LRP1B: variants seen among roughly 807,000 people sequenced by gnomAD.
LRP1B encodes low-density lipoprotein receptor-related protein 1B.
In LRP1B, 217 loss-of-function variants were observed where a neutral mutation model predicts 556.6. The observed-to-expected ratio is 0.39, with a 90% CI of 0.35 to 0.44. LRP1B has a LOEUF of 0.44. Among genes scored for constraint, LRP1B ranks in the 20% least tolerant of loss-of-function variants. The probability of loss-of-function intolerance (pLI) is 1.00; values close to 1 mark genes in which losing one functional copy is unlikely to be tolerated. For missense variants in LRP1B, 5,053 were observed against 5,620.8 expected (o/e 0.90, Z 3.23); for synonymous variants, 2,047 against 1,865.8 (o/e 1.10, Z -2.50).
intron 2 of LRP1B, among the ~76,000 whole-genome samples, chr2:141,779,503 T>G (rs1162186389): frequency 3.4e-5 from 5 of 148,890 alleles, no homozygotes; most frequent in African/African-American, 7.4e-5. Flanking sequence ...CACTGCAACC[T>G]CTGCCCAGGT....
At chr2:140,402,038 A>C (rs1684525724) in intron 66 of LRP1B, among the ~76,000 whole-genome samples, 1 of 152,156 alleles carries the variant, frequency 6.6e-6, no homozygotes, top group African/African-American at 2.4e-5. Context: ...AGGTCACATC[A>C]CTGGATCCCC....
At chr2:140,250,402 C>T (rs1426254977) in intron 86 of LRP1B, among the ~76,000 whole-genome samples, 2 of 151,770 alleles carry the variant, frequency 1.3e-5, no homozygotes, top group Non-Finnish European at 2.9e-5. Flanking sequence ...TACTTATTGA[C>T]TATTCAAATA....
At chr2:141,555,180 C>A (rs556826931) in intron 2 of LRP1B, among the ~76,000 whole-genome samples, 1 of 151,820 alleles carries the variant, frequency 6.6e-6, no homozygotes, top group African/African-American at 2.4e-5. Flanking sequence ...TATATGTAAA[C>A]AAATAAACAA....
chr2:141,575,693 A>G (rs1686713846), intron 2 of LRP1B, among the ~76,000 whole-genome samples: 1 of 152,058 alleles, frequency 6.6e-6, no homozygotes, highest in African/African-American at 2.4e-5. Context: ...AACTTTTGCA[A>G]TCTACTGATC....
intron 35 of LRP1B, among the ~76,000 whole-genome samples, chr2:140,749,264 T>G (rs1688487111): frequency 6.6e-6 from 1 of 152,134 alleles, no homozygotes; most frequent in East Asian, 1.9e-4. Context: ...ACTACAGACT[T>G]TATGAACCCT....
chr2:141,232,937 A>G (rs543442867), intron 5 of LRP1B, among the ~76,000 whole-genome samples: 3 of 152,330 alleles, frequency 2.0e-5, no homozygotes, highest in African/African-American at 7.2e-5. Context: ...GTGTATTTCA[A>G]GTTGAAACTG....
intron 7 of LRP1B, among the ~76,000 whole-genome samples, chr2:141,180,412 A>G (rs979767229): frequency 1.3e-5 from 2 of 151,850 alleles, no homozygotes; most frequent in Non-Finnish European, 2.9e-5. Flanking sequence ...CTTTTATGCT[A>G]TTTGCACAAA....
intron 66 of LRP1B, among the ~76,000 whole-genome samples, chr2:140,419,853 C>G (rs1040404290): frequency 6.6e-6 from 1 of 151,680 alleles, no homozygotes; most frequent in African/African-American, 2.4e-5. Context: ...AATAAAATTA[C>G]AAAAATTAGT....
At chr2:140,976,505 T>C (rs1696605384) in intron 18 of LRP1B, among the ~76,000 whole-genome samples, 1 of 93,574 alleles carries the variant, frequency 1.1e-5, no homozygotes, top group Non-Finnish European at 2.2e-5. Flanking sequence ...TTTTTTTCCT[T>C]TTTTTTTTTT....
rs3033314 is a variant in LRP1B at position 140,264,702 on chromosome 2, A to ATGTGTG, written c.13247+5534_13247+5539dup. On this transcript the variant is annotated intron_variant, in intron 86 of 90. Transcript: ENST00000389484. ...TGACAAAAAAAAAAATTGTCTATAT[A>ATGTGTG]TGTGTGTGTGTGTGTGTGTGTGTGT... Among the ~76,000 whole-genome samples the ATGTGTG allele has an allele frequency of 3.9e-3, 580 of 148,942 alleles. 8 individuals are homozygous for ATGTGTG. Among genetic ancestry groups the ATGTGTG allele is most frequent in the East Asian group, 0.027 (135 of 4,962 alleles).
chr2:141,528,181 C>A (rs543607857), intron 2 of LRP1B, among the ~76,000 whole-genome samples: 8 of 151,572 alleles, frequency 5.3e-5, no homozygotes, highest in African/African-American at 1.9e-4. Context: ...CAAGTGTGTT[C>A]GTTTGGATAT....
In LRP1B at chr2:140,808,439, A is replaced by G. The variant is rs534605467; in HGVS notation, c.5359+5218T>C. Reference sequence around the variant, plus strand: ...TGTTAGTTCACACAGCATTCCTTCAATCTTCTCTCACTGTCTCTTCAGATC... The same window carrying G: ...TGTTAGTTCACACAGCATTCCTTCAGTCTTCTCTCACTGTCTCTTCAGATC... On this transcript the variant is annotated intron_variant, in intron 32 of 90. Transcript: ENST00000389484. 2.0e-5 allele frequency among the ~76,000 whole-genome samples: 3 copies of G among 152,252 alleles called. No individual in the cohort carries two copies. In the East Asian group the frequency reaches 5.8e-4, roughly 29 times the overall value.
In LRP1B at chr2:140,778,927, C is replaced by T. The variant is rs180893663; in HGVS notation, c.5360-2689G>A. On this transcript the variant is annotated intron_variant, in intron 32 of 90. Coordinates refer to ENST00000389484, the MANE Select transcript of LRP1B (RefSeq NM_018557.3). ...TGTTTTAAGAAAATATAACTATTAA[C>T]ATTAAAAATATAATATATAAACATT... is the stretch of plus-strand genomic sequence containing the variant. Among the ~76,000 whole-genome samples the T allele has an allele frequency of 1.8e-4, 28 of 151,720 alleles. No individual in the cohort carries two copies. The East Asian group carries it at 5.0e-3, about 27-fold the overall frequency.
chr2:140,370,487 C>T (rs1201014497), intron 71 of LRP1B, among the ~76,000 whole-genome samples: 6 of 151,934 alleles, frequency 3.9e-5, no homozygotes, highest in Non-Finnish European at 8.8e-5. Context: ...TAAACACTTG[C>T]CCTGTGTTCG....
At chr2:140,361,124 G>T (rs924092731) in intron 72 of LRP1B, among the ~76,000 whole-genome samples, 2 of 150,284 alleles carry the variant, frequency 1.3e-5, no homozygotes, top group African/African-American at 4.9e-5. Flanking sequence ...TAAGTACTAG[G>T]TAAGTTTAGA....
At chr2:140,260,549 C>A (rs1293523924) in intron 86 of LRP1B, among the ~76,000 whole-genome samples, 1 of 151,056 alleles carries the variant, frequency 6.6e-6, no homozygotes, top group African/African-American at 2.4e-5. Context: ...GCATATATAC[C>A]TTTTATAAGA....
At chr2:142,050,185 G>A (rs1036914096) in intron 1 of LRP1B, among the ~76,000 whole-genome samples, 1 of 152,092 alleles carries the variant, frequency 6.6e-6, no homozygotes, top group Non-Finnish European at 1.5e-5. Flanking sequence ...CACACAGAGA[G>A]AAATTTCATA....
At chr2:140,634,950 A>G (rs867099897) in intron 41 of LRP1B, among the ~76,000 whole-genome samples, 7 of 152,098 alleles carry the variant, frequency 4.6e-5, no homozygotes, top group African/African-American at 1.4e-4. Flanking sequence ...AAAACTATGA[A>G]CTTTTGTCAA....
At chr2:140,572,795 C>CATAAAATAAAATAAAATAAA (rs58239958) in intron 43 of LRP1B, among the ~76,000 whole-genome samples, 1,830 of 135,040 alleles carry the variant, frequency 0.014, 43 homozygotes, top group African/African-American at 0.028. Flanking sequence ...ACTATTCAGC[C>CATAAAATAAAATAAAATAAA]ATAAAATAAA....
Sources: allele counts gnomAD v4.1 joint callset (sites outside exome capture counted in the v4.1 genomes callset), GRCh38; gene constraint gnomAD v4.1.1; transcripts MANE v1.5; gene names NCBI Gene and HGNC (gene_info 2026-07-23, HGNC 2026-07-21).